Variants in DYNC1I2 observed in about 807,000 individuals in gnomAD.
DYNC1I2 encodes the protein dynein cytoplasmic 1 intermediate chain 2.
A neutral mutation model predicts 88.6 loss-of-function variants in DYNC1I2; 53 were observed. The ratio of observed to expected loss-of-function variants is 0.60; its 90% CI spans 0.48 to 0.75. DYNC1I2 has a LOEUF of 0.75. Ranked by LOEUF, DYNC1I2 falls within the 30% of genes least tolerant of loss-of-function variation. DYNC1I2 has a pLI of 0.00. For missense variants in DYNC1I2, 458 were observed against 766.6 expected (o/e 0.60, Z 4.75); for synonymous variants, 198 against 254.6 (o/e 0.78, Z 2.12).
At chr2:171,710,763 C>T (rs1038626252) in intron 5 of DYNC1I2, among the ~76,000 whole-genome samples, 4 of 148,038 alleles carry the variant, frequency 2.7e-5, no homozygotes, top group Admixed American at 2.1e-4. Context: ...GGTGCAATGG[C>T]GTGATCTCGG....
At chr2:171,692,694 T>C in intron 2 of DYNC1I2, 83 bp from the exon 3 acceptor site, 1 of 880,046 alleles carries the variant, frequency 1.1e-6, no homozygotes. Context: ...AAGTATACAG[T>C]GTTAGCATAT....
intron 4 of DYNC1I2, chr2:171,706,986 C>A (rs1342102468): frequency 1.4e-5 from 7 of 485,692 alleles, no homozygotes; most frequent in Non-Finnish European, 2.5e-5. Context: ...AATTAGTGGC[C>A]ACATTTGGTG....
chr2:171,729,592 AGAGTT>A, intron 14 of DYNC1I2, 112 bp from the exon 15 acceptor site: 1 of 1,043,612 alleles, frequency 9.6e-7, no homozygotes, highest in Non-Finnish European at 1.4e-6. Context: ...TTATGAGCAC[AGAGTT>A]AAGTCTGTCA....
At chr2:171,733,239 A>G (rs1688747080) in intron 15 of DYNC1I2, among the ~76,000 whole-genome samples, 2 of 151,958 alleles carry the variant, frequency 1.3e-5, no homozygotes, top group South Asian at 4.1e-4. Flanking sequence ...TATCCCATCT[A>G]CCATTAATTG....
chr2:171,698,878 G>GA (rs1272394943), intron 3 of DYNC1I2, among the ~76,000 whole-genome samples: 2 of 151,608 alleles, frequency 1.3e-5, no homozygotes, highest in Non-Finnish European at 2.9e-5. Flanking sequence ...CAAAAGAAAA[G>GA]AAAAGAAACA....
intron 11 of DYNC1I2, 137 bp downstream of exon 11, chr2:171,727,053 A>G (rs546274260): frequency 1.1e-6 from 1 of 925,992 alleles, no homozygotes; most frequent in East Asian, 2.8e-5. Flanking sequence ...CATATTTGCA[A>G]ACAGATGTTA....
chr2:171,738,412 A>G (rs1243463771), intron 15 of DYNC1I2, among the ~76,000 whole-genome samples: 3 of 152,136 alleles, frequency 2.0e-5, no homozygotes, highest in African/African-American at 7.2e-5. Flanking sequence ...AGATTGATTC[A>G]TATTTGTTAG....
chr2:171,736,605 A>C (rs1689024907), intron 15 of DYNC1I2, among the ~76,000 whole-genome samples: 1 of 152,176 alleles, frequency 6.6e-6, no homozygotes, highest in Non-Finnish European at 1.5e-5. Context: ...ATGGGGTAGT[A>C]ATTCTCAAAA....
intron 2 of DYNC1I2, among the ~76,000 whole-genome samples, chr2:171,690,756 G>A (rs1179488745): frequency 6.6e-6 from 1 of 151,182 alleles, no homozygotes; most frequent in Non-Finnish European, 1.5e-5. Flanking sequence ...CCTGACTCAG[G>A]TGATCCTTCC....
At chr2:171,722,689 T>C (rs761005703) in intron 7 of DYNC1I2, among the ~76,000 whole-genome samples, 4 of 152,192 alleles carry the variant, frequency 2.6e-5, no homozygotes, top group Non-Finnish European at 1.5e-5. Context: ...TCTGATGTTA[T>C]TGATGTTAGG....
intron 3 of DYNC1I2, among the ~76,000 whole-genome samples, chr2:171,696,998 A>T (rs1474537360): frequency 2.7e-5 from 4 of 150,794 alleles, no homozygotes; most frequent in Admixed American, 2.6e-4. Flanking sequence ...TTTCTTAATT[A>T]TTATTATTAT....
intron 15 of DYNC1I2, among the ~76,000 whole-genome samples, 200 bp from the exon 16 acceptor site, chr2:171,743,849 A>G (rs1689608382): frequency 6.6e-6 from 1 of 152,242 alleles, no homozygotes; most frequent in Non-Finnish European, 1.5e-5. Context: ...AGAAAATGCA[A>G]TCAATAGTTG....
At chr2:171,747,015 A>G (rs1345315916) in intron 17 of DYNC1I2, among the ~76,000 whole-genome samples, 1 of 151,552 alleles carries the variant, frequency 6.6e-6, no homozygotes, top group Non-Finnish European at 1.5e-5. Flanking sequence ...CCAACATGGC[A>G]AAACCCCATC....
Position 171,745,905 on chromosome 2 carries a change from T to G in DYNC1I2, c.1781T>G (p.Ile594Ser). ...EIAVGDSEGQIVIYDVGEQIA... is the reference protein window; with the variant it reads ...EIAVGDSEGQSVIYDVGEQIA... ...GCTGTGGGTGATTCTGAAGGACAGA[T>G]TGTTATATACGATGTGGGAGAGGTA... The change falls in exon 17 of 18, where the codon ATT becomes AGT. Residue 594 changes from isoleucine (I) to serine (S), a missense_variant. Physicochemically the swap from Ile to Ser is moderately radical, Grantham distance 142 (BLOSUM62 -2). Around this residue, in one of 5 missense-constraint regions of DYNC1I2, gnomAD observed 188 missense variants for 300.4 expected, o/e 0.63. Transcript: ENST00000397119. 1 of 1,613,768 alleles carries G rather than the reference T, an allele frequency of 6.2e-7. No individual in the cohort carries two copies. Among genetic ancestry groups the G allele is most frequent in the Non-Finnish European group, 8.5e-7 (1 of 1,179,744 alleles).
intron 4 of DYNC1I2, 45 bp from the exon 5 acceptor site, chr2:171,707,242 C>T: frequency 1.2e-6 from 2 of 1,613,468 alleles, no homozygotes; most frequent in South Asian, 1.1e-5. Flanking sequence ...GCTGAGCAAC[C>T]TCTCCGTGTA....
chr2:171,701,332 G>A (rs1034675088), intron 3 of DYNC1I2, among the ~76,000 whole-genome samples: 2 of 152,138 alleles, frequency 1.3e-5, no homozygotes, highest in African/African-American at 4.8e-5. Flanking sequence ...AACAAGCCCA[G>A]CTAATTTTTG....
intron 14 of DYNC1I2, among the ~76,000 whole-genome samples, chr2:171,729,460 A>T (rs977601951): frequency 1.3e-5 from 2 of 152,138 alleles, no homozygotes; most frequent in African/African-American, 4.8e-5. Flanking sequence ...ACCACTTCAG[A>T]TATTGGACTT....
intron 3 of DYNC1I2, among the ~76,000 whole-genome samples, chr2:171,697,464 TTATCCCTTA>T (rs1685861708): frequency 6.6e-6 from 1 of 152,238 alleles, no homozygotes; most frequent in Non-Finnish European, 1.5e-5. Flanking sequence ...CATTTAGCTT[TTATCCCTTA>T]TATTTCCTTT....
At chr2:171,723,496 A>T (rs1448790157) in intron 7 of DYNC1I2, among the ~76,000 whole-genome samples, 1 of 152,252 alleles carries the variant, frequency 6.6e-6, no homozygotes, top group African/African-American at 2.4e-5. Context: ...ATTTTGTTAC[A>T]TTACACCTGC....
Sources: allele counts gnomAD v4.1 joint callset (sites outside exome capture counted in the v4.1 genomes callset), GRCh38; gene constraint gnomAD v4.1.1; regional missense constraint gnomAD v4.1.1; transcripts MANE v1.5; gene names NCBI Gene and HGNC (gene_info 2026-07-23, HGNC 2026-07-21).